The following TMEM117 variants were observed in gnomAD, a reference collection of about 807,000 sequenced individuals.
The protein encoded by TMEM117 is transmembrane protein 117.
In TMEM117, 27 loss-of-function variants were observed where a neutral mutation model predicts 52.4. That is an observed-to-expected ratio of 0.51 (90% CI 0.38 to 0.71). The LOEUF is 0.71. Among genes scored for constraint, TMEM117 ranks in the 30% least tolerant of loss-of-function variants. The pLI is 0.00. For synonymous variants in TMEM117, 215 were observed against 206.3 expected, an observed-to-expected ratio of 1.04 and a Z score of -0.36; for missense variants, 556 against 630.5, an observed-to-expected ratio of 0.88 and a Z score of 1.26.
chr12:43,854,688 G>A (rs941762570), intron 2 of TMEM117, among the ~76,000 whole-genome samples: 7 of 152,036 alleles, frequency 4.6e-5, no homozygotes, highest in African/African-American at 1.7e-4. Context: ...CCAGGCTGGA[G>A]TGTGGTGGCG....
intron 3 of TMEM117, among the ~76,000 whole-genome samples, chr12:43,945,849 G>A (rs987462745): frequency 7.2e-5 from 11 of 152,144 alleles, no homozygotes; most frequent in African/African-American, 2.4e-4. Context: ...ACATGGAACT[G>A]TTTTGATGTT....
intron 4 of TMEM117, among the ~76,000 whole-genome samples, chr12:44,197,435 T>C (rs1363625548): frequency 1.3e-5 from 2 of 152,124 alleles, no homozygotes; most frequent in African/African-American, 4.8e-5. Context: ...CAGGCAAAAA[T>C]AAATGCTCAA....
the TMEM117 span, among the ~76,000 whole-genome samples, chr12:44,398,978 A>C: frequency 6.6e-6 from 1 of 152,296 alleles, no homozygotes; most frequent in Non-Finnish European, 1.5e-5. Flanking sequence ...AATGTTTGTG[A>C]GGATGGATAT....
At chr12:43,860,549 G>A (rs1731428) in intron 2 of TMEM117, among the ~76,000 whole-genome samples, 148,677 of 152,236 alleles carry the variant, frequency 0.98, 72,709 homozygotes, top group East Asian at 1. Flanking sequence ...GATGATCTGA[G>A]GAAGATGAAG....
At chr12:44,226,905 G>A (rs1448754128) in intron 5 of TMEM117, among the ~76,000 whole-genome samples, 1 of 152,074 alleles carries the variant, frequency 6.6e-6, no homozygotes, top group Non-Finnish European at 1.5e-5. Flanking sequence ...TGTTAGAGCA[G>A]CCCTAGCAGG....
chr12:44,088,929 A>G (rs1947617461), intron 3 of TMEM117, among the ~76,000 whole-genome samples: 1 of 152,186 alleles, frequency 6.6e-6, no homozygotes, highest in East Asian at 1.9e-4. Context: ...GCCCTAGTGT[A>G]TTTATTTCTT....
chr12:44,317,002 C>CTTTTTTTTTTTTT (rs1202276425), intron 6 of TMEM117, among the ~76,000 whole-genome samples: 16 of 121,492 alleles, frequency 1.3e-4, no homozygotes, highest in South Asian at 2.6e-4. Flanking sequence ...TTTTCTTTTT[C>CTTTTTTTTTTTTT]TTTTTTTTTT....
At chr12:44,371,175 G>A (rs764847490) in intron 6 of TMEM117, among the ~76,000 whole-genome samples, 22 of 152,132 alleles carry the variant, frequency 1.4e-4, no homozygotes, top group Non-Finnish European at 2.1e-4. Context: ...TCGGTTGCTA[G>A]GACACTGCTA....
chr12:44,135,738 A>G (rs1948480740), intron 3 of TMEM117, among the ~76,000 whole-genome samples: 1 of 152,128 alleles, frequency 6.6e-6, no homozygotes, highest in Admixed American at 6.6e-5. Flanking sequence ...GAACAGTCTC[A>G]TTTTTCAGGT....
intron 3 of TMEM117, among the ~76,000 whole-genome samples, chr12:44,069,163 A>G (rs183738103): frequency 5.3e-5 from 8 of 152,352 alleles, no homozygotes; most frequent in African/African-American, 1.9e-4. Context: ...CCTGACATAA[A>G]TAATAAAATG....
At chr12:44,011,594 A>G (rs975249965) in intron 3 of TMEM117, among the ~76,000 whole-genome samples, 1 of 152,050 alleles carries the variant, frequency 6.6e-6, no homozygotes, top group East Asian at 1.9e-4. Context: ...CCTCTTTTTC[A>G]TCCTAGTCTT....
At chr12:44,182,378 C>A (rs912824148) in intron 4 of TMEM117, among the ~76,000 whole-genome samples, 1 of 152,160 alleles carries the variant, frequency 6.6e-6, no homozygotes, top group African/African-American at 2.4e-5. Context: ...CTGGCCAGAA[C>A]TTCCAACACT....
At chr12:43,951,028 C>T (rs1288229073) in intron 3 of TMEM117, among the ~76,000 whole-genome samples, 2 of 152,188 alleles carry the variant, frequency 1.3e-5, no homozygotes, top group Non-Finnish European at 2.9e-5. Flanking sequence ...GGCATTGCTT[C>T]ACCCAGGAAG....
upstream of TMEM117, among the ~76,000 whole-genome samples, chr12:43,832,201 G>A (rs1269639662): frequency 2.0e-5 from 3 of 152,194 alleles, no homozygotes; most frequent in Non-Finnish European, 4.4e-5. Context: ...TTAACTCTGC[G>A]TGAGTAAGCA....
At chr12:44,219,483 G>A (rs1949760921) in intron 5 of TMEM117, among the ~76,000 whole-genome samples, 2 of 152,144 alleles carry the variant, frequency 1.3e-5, no homozygotes, top group Admixed American at 1.3e-4. Flanking sequence ...GCAAGAAAAA[G>A]ATGTACAGTA....
intron 6 of TMEM117, among the ~76,000 whole-genome samples, chr12:44,326,744 G>A (rs1246453637): frequency 6.6e-6 from 1 of 152,104 alleles, no homozygotes; most frequent in Non-Finnish European, 1.5e-5. Context: ...GTCCTATGAG[G>A]CCCTTTGCAA....
chr12:44,355,735 G>A (rs1429291698), intron 6 of TMEM117, among the ~76,000 whole-genome samples: 2 of 151,988 alleles, frequency 1.3e-5, no homozygotes, highest in African/African-American at 4.8e-5. Context: ...AAACACTGAA[G>A]ACTCCTGCTT....
chr12:44,267,047 CAATAA>C (rs1419728207), intron 5 of TMEM117, among the ~76,000 whole-genome samples: 1 of 151,934 alleles, frequency 6.6e-6, no homozygotes, highest in Non-Finnish European at 1.5e-5. Context: ...CAATTTCTGC[CAATAA>C]AGCAGCTGGG....
At chr12:44,219,724 G>A (rs545506696) in intron 5 of TMEM117, among the ~76,000 whole-genome samples, 5 of 152,226 alleles carry the variant, frequency 3.3e-5, no homozygotes, top group Middle Eastern at 3.4e-3. Context: ...GACACTAGAA[G>A]TAATAAGATA....
Sources: allele counts gnomAD v4.1 joint callset (sites outside exome capture counted in the v4.1 genomes callset), GRCh38; gene constraint gnomAD v4.1.1; transcripts MANE v1.5; gene names NCBI Gene and HGNC (gene_info 2026-07-23, HGNC 2026-07-21).